GZMA: variants seen among roughly 807,000 people sequenced by gnomAD.
GZMA encodes the protein CTL tryptase.
Under a neutral mutation model 21.1 loss-of-function variants are expected in GZMA, and 17 were observed. That is an observed-to-expected ratio of 0.81 (90% confidence interval 0.55 to 1.21). The LOEUF is 1.21. Ranked by LOEUF, GZMA falls within the 50% of genes most tolerant of loss-of-function variation. The probability of loss-of-function intolerance (pLI) is 0.00; values close to 1 mark genes in which losing one functional copy is unlikely to be tolerated. For missense variants in GZMA, 306 were observed against 315.9 expected (o/e 0.97, Z 0.24); for synonymous variants, 90 against 107.8 (o/e 0.83, Z 1.03).
chr5:55,102,862 C>T (rs930169258), intron 1 of GZMA, 110 bp downstream of exon 1: 3 of 754,116 alleles, frequency 4.0e-6, no homozygotes, highest in Non-Finnish European at 7.1e-6. Context: ...ATGTTTTCCC[C>T]CAAGCCTTAT....
In GZMA at chr5:55,105,502, T is replaced by C. The variant is rs1561279316; in HGVS notation, c.99T>C (p.Asn33=). ...EDVCEKIIGG[N]EVTPHSRPYM... ...TCTGTGAAAAAATTATTGGAGGAAA[T>C]GAAGTAACTCCTCATTCAAGACCCT... Residue 33 remains asparagine (N), a synonymous_variant, in exon 2 of 5, where the codon AAT becomes AAC. Transcript: ENST00000274306. 1.2e-6 allele frequency: 2 copies of C among 1,612,726 alleles called. No homozygotes were observed. Among genetic ancestry groups the C allele is most frequent in the Non-Finnish European group, 1.7e-6 (2 of 1,179,008 alleles).
chr5:55,105,513 C>T lies in GZMA; in HGVS notation c.110C>T (p.Pro37Leu). Residue 37 changes from proline to leucine, a missense_variant, in exon 2 of 5, where the codon CCT becomes CTT. Coordinates refer to ENST00000274306, the MANE Select transcript of GZMA (RefSeq NM_006144.4). ...EKIIGGNEVT[P>L]HSRPYMVLLS... Reference sequence around the variant, plus strand: ...ATTATTGGAGGAAATGAAGTAACTCCTCATTCAAGACCCTACATGGTCCTA... The same window carrying T: ...ATTATTGGAGGAAATGAAGTAACTCTTCATTCAAGACCCTACATGGTCCTA... 1 of 1,610,624 alleles carries T rather than the reference C, an allele frequency of 6.2e-7. No individual in the cohort carries two copies. Among genetic ancestry groups the T allele is most frequent in the Non-Finnish European group, 8.5e-7 (1 of 1,177,060 alleles).
Position 55,107,781 on chromosome 5 carries a change from T to G in GZMA, c.216-13T>G. Reference sequence around the variant, plus strand: ...AGAATAAATCCAGTAAATAATGTTGTGTCTGTTCTCAGGAACAAAAGGTCC... The same window carrying G: ...AGAATAAATCCAGTAAATAATGTTGGGTCTGTTCTCAGGAACAAAAGGTCC... On this transcript the variant is annotated splice_polypyrimidine_tract_variant and intron_variant, in intron 2 of 4. Coordinates refer to ENST00000274306, the MANE Select transcript of GZMA (RefSeq NM_006144.4). 6.2e-7 allele frequency: 1 copy of G among 1,608,232 alleles called. No individual in the cohort carries two copies. The highest frequency in any genetic ancestry group is 8.5e-7 in the Non-Finnish European group (1 of 1,174,976).
intron 1 of GZMA, among the ~76,000 whole-genome samples, chr5:55,103,680 C>T (rs1006192066): frequency 3.9e-5 from 6 of 152,276 alleles, no homozygotes; most frequent in Admixed American, 2.0e-4. Context: ...ATGTAATAAC[C>T]TGCCTTGCCA....
At chr5:55,108,077 T>G in intron 3 of GZMA, 48 bp from the exon 4 acceptor site, 1 of 1,463,802 alleles carries the variant, frequency 6.8e-7, no homozygotes, top group Non-Finnish European at 9.4e-7. Context: ...ATTTAAAATG[T>G]AAATATTTAT....
chr5:55,109,149 T>G (rs1028544485), intron 4 of GZMA, among the ~76,000 whole-genome samples: 2 of 152,168 alleles, frequency 1.3e-5, no homozygotes, highest in Non-Finnish European at 2.9e-5. Context: ...AAGGTCTCTG[T>G]CCTTCCCTAG....
At position 55,102,697 on chromosome 5, in the gene GZMA, T is replaced by C. The variant is rs761932519; in HGVS notation, c.15T>C (p.Tyr5=). ...CAGCAGCCACAATGAGGAACTCCTA[T>C]AGATTTCTGGCATCCTCTCTCTCAG... MRNS[Y]RFLASSLSVV... The change falls in exon 1 of 5, where the codon TAT becomes TAC. Residue 5 remains tyrosine, a synonymous_variant. Transcript: ENST00000274306. 2.5e-6 allele frequency: 4 copies of C among 1,608,502 alleles called. No homozygotes were observed. Among genetic ancestry groups the C allele is most frequent in the East Asian group, 2.2e-5 (1 of 44,852 alleles).
chr5:55,104,978 G>A (rs1328713078), intron 1 of GZMA, among the ~76,000 whole-genome samples: 13 of 152,170 alleles, frequency 8.5e-5, no homozygotes. Flanking sequence ...AGGACTGAGG[G>A]GTAGGGTCAC....
At chr5:55,107,629 T>C (rs1351093504) in intron 2 of GZMA, among the ~76,000 whole-genome samples, 165 bp from the exon 3 acceptor site, 1 of 152,230 alleles carries the variant, frequency 6.6e-6, no homozygotes, top group African/African-American at 2.4e-5. Flanking sequence ...ATTCTTTTAT[T>C]CATAAACATT....
At chr5:55,109,399 G>A (rs1033019925) in intron 4 of GZMA, among the ~76,000 whole-genome samples, 3 of 152,046 alleles carry the variant, frequency 2.0e-5, no homozygotes, top group Non-Finnish European at 4.4e-5. Flanking sequence ...CGCCACCACC[G>A]AAACTTGGCA....
In GZMA at chr5:55,108,018, C is replaced by G. The variant is rs977607957; in HGVS notation, c.357+83C>G. On this transcript the variant is annotated intron_variant, in intron 3 of 4. Coordinates refer to ENST00000274306, the MANE Select transcript of GZMA (RefSeq NM_006144.4). ...GACGTGAAAACCTTTCCTTGGTGCC[C>G]CTGTTGTAAAAACTCACAATAAAGA... 29 of 1,420,506 alleles carry G rather than the reference C, an allele frequency of 2.0e-5. No homozygotes were observed. In the East Asian group the frequency reaches 6.6e-4, roughly 33 times the overall value. 88.0% of individuals were successfully genotyped at this position (1,420,506 alleles called of 1,614,324 possible).
chr5:55,108,445 C>T (rs778366524), intron 4 of GZMA, 51 bp downstream of exon 4: 1 of 1,450,024 alleles, frequency 6.9e-7, no homozygotes, highest in Non-Finnish European at 9.5e-7. Context: ...GTCATGCAGA[C>T]AGAGAAAATG....
In GZMA at chr5:55,110,111, C is replaced by T; in HGVS notation, c.718C>T (p.Pro240Ser). The T allele has an allele frequency of 6.2e-7, 1 of 1,611,970 alleles. No homozygotes were observed. Among genetic ancestry groups the T allele is most frequent in the Non-Finnish European group, 8.5e-7 (1 of 1,178,382 alleles). The change falls in exon 5 of 5, where the codon CCT becomes TCT. Residue 240 changes from proline to serine, a missense_variant. Transcript: ENST00000274306. Reference protein sequence around the residue: ...LENKCGDPRGPGVYILLSKKH... With the variant: ...LENKCGDPRGSGVYILLSKKH... ...AAATAAATGCGGAGACCCTCGTGGG[C>T]CTGGTGTCTATATTCTTCTCTCAAA... is the stretch of plus-strand genomic sequence containing the variant.
intron 4 of GZMA, among the ~76,000 whole-genome samples, chr5:55,108,691 G>T (rs1387684665): frequency 6.6e-6 from 1 of 152,112 alleles, no homozygotes; most frequent in Non-Finnish European, 1.5e-5. Flanking sequence ...AACATACGTA[G>T]ATCTAAACTT....
At chr5:55,108,602 G>GCC (rs1742454291) in intron 4 of GZMA, among the ~76,000 whole-genome samples, 1 of 152,306 alleles carries the variant, frequency 6.6e-6, no homozygotes, top group East Asian at 1.9e-4. Flanking sequence ...CACTGCTAGT[G>GCC]CATGGGGTGA....
intron 1 of GZMA, among the ~76,000 whole-genome samples, 178 bp downstream of exon 1, chr5:55,102,930 G>A (rs540710293): frequency 6.6e-6 from 1 of 152,182 alleles, no homozygotes; most frequent in East Asian, 1.9e-4. Flanking sequence ...GGAACGCTGA[G>A]GTGGAAGGAT....
chr5:55,107,783 TC>T lies in GZMA; in HGVS notation c.216-10del. On this transcript the variant is annotated splice_polypyrimidine_tract_variant and intron_variant, in intron 2 of 4. Transcript: ENST00000274306. Reference sequence around the variant, plus strand: ...AATAAATCCAGTAAATAATGTTGTGTCTGTTCTCAGGAACAAAAGGTCCCAG... The same window carrying T: ...AATAAATCCAGTAAATAATGTTGTGTTGTTCTCAGGAACAAAAGGTCCCAG... 1 of 1,609,558 alleles carries T rather than the reference TC, an allele frequency of 6.2e-7. No homozygotes were observed. Among genetic ancestry groups the T allele is most frequent in the Non-Finnish European group, 8.5e-7 (1 of 1,176,164 alleles).
At position 55,107,863 on chromosome 5, in the gene GZMA, G is replaced by A. The variant is rs891279831; in HGVS notation, c.285G>A (p.Met95Ile). The A allele has an allele frequency of 5.0e-6, 8 of 1,612,662 alleles. No individual in the cohort carries two copies. The African/African-American group carries it at 1.1e-4, about 22-fold the overall frequency. Residue 95 changes from methionine to isoleucine, a missense_variant, in exon 3 of 5, where the codon ATG becomes ATA. By Grantham distance (10) the Met-to-Ile change is conservative. Transcript: ENST00000274306. ...ITREEPTKQI[M>I]LVKKEFPYPC... Reference sequence around the variant, plus strand: ...GGGAAGAGCCAACAAAACAGATAATGCTTGTTAAGAAAGAGTTTCCCTATC... The same window carrying A: ...GGGAAGAGCCAACAAAACAGATAATACTTGTTAAGAAAGAGTTTCCCTATC...
At chr5:55,104,020 A>AAG (rs572296148) in intron 1 of GZMA, among the ~76,000 whole-genome samples, 3 of 151,784 alleles carry the variant, frequency 2.0e-5, no homozygotes, top group Admixed American at 6.6e-5. Context: ...AAAAACAAAA[A>AAG]AGAGAGAGAG....
Sources: gnomAD v4.1 joint callset for allele counts (sites outside exome capture counted in the v4.1 genomes callset) on GRCh38, gnomAD v4.1.1 for gene constraint, MANE v1.5 for transcripts, NCBI Gene and HGNC (gene_info 2026-07-23, HGNC 2026-07-21) for gene names.